THRAP3: variants seen among roughly 807,000 people sequenced by gnomAD.
THRAP3 encodes thyroid hormone receptor-associated protein 3.
THRAP3 carries 16 observed loss-of-function variants against 101.0 expected under a neutral mutation model. The observed-to-expected ratio is 0.16, with a 90% confidence interval of 0.11 to 0.24. The LOEUF is 0.24. Among genes scored for constraint, THRAP3 ranks in the 10% least tolerant of loss-of-function variants. The probability of loss-of-function intolerance (pLI) is 1.00; values close to 1 mark genes in which losing one functional copy is unlikely to be tolerated. For synonymous variants in THRAP3, 407 were observed against 422.6 expected (o/e 0.96, Z 0.45); for missense variants, 989 against 1,202.7 (o/e 0.82, Z 2.63).
At chr1:36,295,840 T>C (rs1645942154) in intron 8 of THRAP3, among the ~76,000 whole-genome samples, 1 of 151,912 alleles carries the variant, frequency 6.6e-6, no homozygotes, top group African/African-American at 2.4e-5. Context: ...GGATAAGCCA[T>C]GGGTGGATAC....
chr1:36,242,861 AT>A (rs1645178809), intron 1 of THRAP3, among the ~76,000 whole-genome samples: 1 of 152,196 alleles, frequency 6.6e-6, no homozygotes, highest in Non-Finnish European at 1.5e-5. Flanking sequence ...TCATACAGAT[AT>A]TCTCTTCTGT....
At position 36,289,437 on chromosome 1, in the gene THRAP3, G is replaced by A; in HGVS notation, c.1418G>A (p.Gly473Asp). Residue 473 changes from glycine to aspartate, a missense_variant, in exon 5 of 12, where the codon GGC (glycine) becomes GAC (aspartate). By Grantham distance (94) the Gly-to-Asp change is moderately conservative. Coordinates refer to ENST00000354618, the MANE Select transcript of THRAP3 (RefSeq NM_005119.4). ...QEEEKSGKWE[G>D]LVYAPPGKEK... ...GAGGAGAAGTCAGGCAAATGGGAGGGCCTGGTATATGCACCTCCAGGGAAG... is the reference window on the plus strand; with the variant it reads ...GAGGAGAAGTCAGGCAAATGGGAGGACCTGGTATATGCACCTCCAGGGAAG... 1.2e-6 allele frequency: 2 copies of A among 1,614,194 alleles called. No individual in the cohort carries two copies. The highest frequency in any genetic ancestry group is 8.5e-7 in the Non-Finnish European group (1 of 1,180,038).
At chr1:36,261,675 G>T (rs982301137) in intron 2 of THRAP3, among the ~76,000 whole-genome samples, 14 of 152,170 alleles carry the variant, frequency 9.2e-5, no homozygotes, top group Non-Finnish European at 2.1e-4. Flanking sequence ...GGATCTACCT[G>T]AGGTGGAGTT....
At chr1:36,272,827 G>A (rs199855403) in intron 2 of THRAP3, among the ~76,000 whole-genome samples, 7 of 152,194 alleles carry the variant, frequency 4.6e-5, no homozygotes, top group Non-Finnish European at 8.8e-5. Context: ...TCTCCCTAAC[G>A]AGATCAGTTT....
At position 36,280,930 on chromosome 1, in the gene THRAP3, TA is replaced by T. The variant is rs201148613; in HGVS notation, c.-31-1602del. On this transcript the variant is annotated intron_variant, in intron 2 of 11. Transcript: ENST00000354618. ...AGAAAGTTGACTCTTTATTTTTATT[TA>T]TTTTTTTTTTTGAGACGGAGTTTTG... Among the ~76,000 whole-genome samples, 245 of 148,572 alleles carry T rather than the reference TA, an allele frequency of 1.6e-3. 4 individuals carry two copies. The highest frequency in any genetic ancestry group is 3.5e-3 in the Middle Eastern group (1 of 288).
At chr1:36,260,190 C>T (rs1033022014) in intron 2 of THRAP3, among the ~76,000 whole-genome samples, 10 of 152,074 alleles carry the variant, frequency 6.6e-5, no homozygotes, top group Admixed American at 2.6e-4. Flanking sequence ...TACAGTGAGC[C>T]GAGATCTTGC....
At chr1:36,213,925 AAGAAAGAAAG>A in the THRAP3 span, among the ~76,000 whole-genome samples, 8 of 129,560 alleles carry the variant, frequency 6.2e-5, no homozygotes, top group Admixed American at 4.5e-4. Context: ...GAAAGAAAGA[AAGAAAGAAAG>A]AAAGAAAGAA....
At chr1:36,231,856 A>C (rs1378837677) in intron 1 of THRAP3, among the ~76,000 whole-genome samples, 1 of 152,166 alleles carries the variant, frequency 6.6e-6, no homozygotes, top group African/African-American at 2.4e-5. Flanking sequence ...TATCAGAAAA[A>C]AACTTTTAAT....
chr1:36,217,217 G>A, the THRAP3 span, among the ~76,000 whole-genome samples: 1 of 152,152 alleles, frequency 6.6e-6, no homozygotes, highest in Non-Finnish European at 1.5e-5. Context: ...AGAAGAGTTC[G>A]GTTTCTGGCA....
chr1:36,282,760 GA>G, intron 3 of THRAP3, 60 bp downstream of exon 3: 1 of 1,596,968 alleles, frequency 6.3e-7, no homozygotes, highest in Non-Finnish European at 8.6e-7. Context: ...GTGGATGTTT[GA>G]AGATCTTTTG....
chr1:36,222,445 C>T (rs962459075), upstream of THRAP3, among the ~76,000 whole-genome samples: 7 of 151,264 alleles, frequency 4.6e-5, no homozygotes, highest in South Asian at 2.1e-4. Context: ...CTTGCTCTGT[C>T]GCCCAGGCTG....
At chr1:36,298,711 A>G (rs1341642582) in intron 9 of THRAP3, among the ~76,000 whole-genome samples, 1 of 152,114 alleles carries the variant, frequency 6.6e-6, no homozygotes, top group Non-Finnish European at 1.5e-5. Flanking sequence ...TATGTTTCCC[A>G]TGCTGGTCTT....
chr1:36,225,565 T>G (rs1644952451), intron 1 of THRAP3: 1 of 148,816 alleles, frequency 6.7e-6, no homozygotes, highest in African/African-American at 2.5e-5. Context: ...CATTTATAGG[T>G]TTTTTTTTTA....
Position 36,246,758 on chromosome 1 carries a change from C to T in THRAP3, c.-134-12624C>T, listed in dbSNP as rs548368903. ...TCGGGAGGCTGAGGCAGGAGAATGG[C>T]GTGAACCCAGGAGGCGGAGCTTGCA... On this transcript the variant is annotated intron_variant, in intron 1 of 11. Coordinates refer to ENST00000354618, the MANE Select transcript of THRAP3 (RefSeq NM_005119.4). Among the ~76,000 whole-genome samples the T allele has an allele frequency of 2.1e-3, 316 of 152,000 alleles. 5 individuals are homozygous for T. The highest frequency in any genetic ancestry group is 9.2e-3 in the East Asian group (47 of 5,124).
At chr1:36,280,362 T>G (rs1557442646) in intron 2 of THRAP3, among the ~76,000 whole-genome samples, 1 of 152,194 alleles carries the variant, frequency 6.6e-6, no homozygotes, top group Non-Finnish European at 1.5e-5. Flanking sequence ...ACATTCTAAT[T>G]AAAGACAGAA....
At chr1:36,299,316 G>C (rs1427503665) in intron 9 of THRAP3, among the ~76,000 whole-genome samples, 1 of 151,676 alleles carries the variant, frequency 6.6e-6, no homozygotes, top group Admixed American at 6.6e-5. Context: ...GTGGGTGCCT[G>C]TAATCCCCAC....
intron 2 of THRAP3, among the ~76,000 whole-genome samples, chr1:36,268,246 CA>C (rs1202992551): frequency 1.3e-5 from 2 of 151,262 alleles, no homozygotes; most frequent in East Asian, 1.9e-4. Context: ...AGGTCAGCAT[CA>C]TTTTTTTTTT....
intron 9 of THRAP3, among the ~76,000 whole-genome samples, chr1:36,298,224 C>T (rs1645979037): frequency 1.3e-5 from 2 of 151,336 alleles, no homozygotes; most frequent in South Asian, 2.1e-4. Context: ...GTCTCCCATT[C>T]CAATGTGTTA....
intron 1 of THRAP3, among the ~76,000 whole-genome samples, chr1:36,232,259 C>T (rs1645036239): frequency 6.6e-6 from 1 of 152,110 alleles, no homozygotes; most frequent in Non-Finnish European, 1.5e-5. Context: ...ATTCTTGTTT[C>T]AGGCATAAGA....
Sources: gnomAD v4.1 joint callset for allele counts (sites outside exome capture counted in the v4.1 genomes callset) on GRCh38, gnomAD v4.1.1 for gene constraint, MANE v1.5 for transcripts, NCBI Gene and HGNC (gene_info 2026-07-23, HGNC 2026-07-21) for gene names.